The following SPATS2 variants were observed in gnomAD, a reference collection of about 807,000 sequenced individuals.
The protein encoded by SPATS2 is spermatogenesis associated serine rich 2, also known as spermatogenesis-associated serine-rich protein 2.
Under a neutral mutation model 63.7 loss-of-function variants are expected in SPATS2, and 38 were observed. The observed-to-expected ratio is 0.60, with a 90% CI of 0.46 to 0.78. The LOEUF is 0.78. Ranked by LOEUF, SPATS2 falls within the 30% of genes least tolerant of loss-of-function variation. SPATS2 has a pLI of 0.00. For synonymous variants in SPATS2, 207 were observed against 232.9 expected (o/e 0.89, Z 1.01); for missense variants, 588 against 666.2 (o/e 0.88, Z 1.29).
At chr12:49,419,878 G>T (rs185553246) in intron 2 of SPATS2, among the ~76,000 whole-genome samples, 2 of 134,662 alleles carry the variant, frequency 1.5e-5, no homozygotes, top group Admixed American at 1.4e-4. Context: ...AGTTCATTAT[G>T]AAAACATACT....
intron 2 of SPATS2, among the ~76,000 whole-genome samples, chr12:49,411,993 A>G (rs1042101335): frequency 1.3e-5 from 2 of 152,146 alleles, no homozygotes; most frequent in African/African-American, 4.8e-5. Flanking sequence ...AACACATCGA[A>G]TTGTATATCT....
In SPATS2 at chr12:49,496,431, C is replaced by A. The variant is rs568272848; in HGVS notation, c.527-402C>A. Among the ~76,000 whole-genome samples, 5 of 152,182 alleles carry A rather than the reference C, an allele frequency of 3.3e-5. No homozygotes were observed. In the East Asian group the frequency reaches 9.6e-4, roughly 29 times the overall value. On this transcript the variant is annotated intron_variant, in intron 7 of 13. Coordinates refer to ENST00000552918, the MANE Select transcript of SPATS2 (RefSeq NM_023071.4). ...CCTGGCCCCTAAAGCTTTTTAAATT[C>A]TTCTTTCCTCGAGAGAGTTTAAAAC...
intron 1 of SPATS2, among the ~76,000 whole-genome samples, chr12:49,367,877 G>A (rs1943929851): frequency 6.6e-6 from 1 of 152,126 alleles, no homozygotes; most frequent in Admixed American, 6.5e-5. Flanking sequence ...TGGGGTATTG[G>A]ATTTTAAGAA....
intron 4 of SPATS2, chr12:49,486,401 C>CACCAT (rs1946294507): frequency 6.7e-6 from 2 of 298,974 alleles, no homozygotes; most frequent in South Asian, 5.0e-5. Flanking sequence ...GAGAGGGTGT[C>CACCAT]ACCATGTTAG....
At chr12:49,404,299 T>TG (rs1944658486) in intron 2 of SPATS2, among the ~76,000 whole-genome samples, 2 of 151,090 alleles carry the variant, frequency 1.3e-5, no homozygotes, top group Non-Finnish European at 2.9e-5. Context: ...ATTTTTTTTT[T>TG]TTTTAGAGAT....
intron 2 of SPATS2, among the ~76,000 whole-genome samples, chr12:49,377,042 A>G (rs1689584147): frequency 1.3e-5 from 2 of 152,118 alleles, no homozygotes. Flanking sequence ...TTATCAGCAC[A>G]CAGGAGGTTT....
At chr12:49,472,641 TA>T (rs1946055744) in intron 3 of SPATS2, among the ~76,000 whole-genome samples, 1 of 147,840 alleles carries the variant, frequency 6.8e-6, no homozygotes, top group Non-Finnish European at 1.5e-5. Flanking sequence ...AATATTATAT[TA>T]TATTATTATA....
At chr12:49,512,696 G>GTA (rs1946773063) in intron 9 of SPATS2, among the ~76,000 whole-genome samples, 1 of 152,164 alleles carries the variant, frequency 6.6e-6, no homozygotes, top group Non-Finnish European at 1.5e-5. Context: ...CTTGTTTGCT[G>GTA]TAGTCTTTTA....
chr12:49,429,486 C>G (rs1356682445), intron 2 of SPATS2, among the ~76,000 whole-genome samples: 4 of 152,132 alleles, frequency 2.6e-5, no homozygotes, highest in Admixed American at 1.3e-4. Context: ...CACTCTGTTA[C>G]TCAGGCTGGA....
At chr12:49,413,652 T>C (rs1174747006) in intron 2 of SPATS2, among the ~76,000 whole-genome samples, 3 of 152,130 alleles carry the variant, frequency 2.0e-5, no homozygotes, top group African/African-American at 7.2e-5. Context: ...ATTTCAGCAT[T>C]AGTCTCAGGT....
At chr12:49,388,481 C>T (rs904754501) in intron 2 of SPATS2, among the ~76,000 whole-genome samples, 2 of 151,976 alleles carry the variant, frequency 1.3e-5, no homozygotes, top group East Asian at 3.9e-4. Flanking sequence ...TCAATATATC[C>T]TCCTGCCTCA....
intron 2 of SPATS2, among the ~76,000 whole-genome samples, chr12:49,409,509 G>C (rs1944757481): frequency 1.3e-5 from 2 of 148,152 alleles, no homozygotes; most frequent in South Asian, 4.3e-4. Context: ...GTTTCACTGT[G>C]TTAGCCAGGA....
intron 2 of SPATS2, among the ~76,000 whole-genome samples, chr12:49,431,495 G>A (rs1467999907): frequency 6.6e-5 from 10 of 152,074 alleles, no homozygotes; most frequent in Non-Finnish European, 1.2e-4. Context: ...TGATCTGCCC[G>A]CCTCGGCTTC....
At chr12:49,419,644 A>G (rs1404231196) in intron 2 of SPATS2, among the ~76,000 whole-genome samples, 1 of 152,192 alleles carries the variant, frequency 6.6e-6, no homozygotes, top group African/African-American at 2.4e-5. Context: ...TAGTTTGTAC[A>G]TTGATTTCTG....
intron 2 of SPATS2, chr12:49,390,284 G>C (rs1944397284): frequency 2.0e-6 from 1 of 504,370 alleles, no homozygotes; most frequent in Non-Finnish European, 3.4e-6. Context: ...CAGTGTACTG[G>C]CTATGAGATA....
chr12:49,404,715 A>G (rs1304161606), intron 2 of SPATS2, among the ~76,000 whole-genome samples: 1 of 152,122 alleles, frequency 6.6e-6, no homozygotes, highest in Non-Finnish European at 1.5e-5. Flanking sequence ...TGTTTTACCC[A>G]GGGGAACAGA....
At chr12:49,461,344 T>C (rs1028849760) in intron 3 of SPATS2, 5 of 256,944 alleles carry the variant, frequency 1.9e-5, no homozygotes, top group Admixed American at 1.1e-4. Flanking sequence ...TCTATGTTGT[T>C]TGAGTTGGCA....
At chr12:49,477,335 A>G (rs1440320897) in intron 3 of SPATS2, among the ~76,000 whole-genome samples, 3 of 152,238 alleles carry the variant, frequency 2.0e-5, no homozygotes. Flanking sequence ...GAAGAGGCAC[A>G]GCATCCTTCA....
chr12:49,416,296 C>G (rs541657015), intron 2 of SPATS2, among the ~76,000 whole-genome samples: 17 of 151,984 alleles, frequency 1.1e-4, no homozygotes, highest in African/African-American at 3.6e-4. Context: ...GGTAGCTGGG[C>G]CTGGAGTCAT....
Sources: allele counts gnomAD v4.1 joint callset (sites outside exome capture counted in the v4.1 genomes callset), GRCh38; gene constraint gnomAD v4.1.1; transcripts MANE v1.5; gene names NCBI Gene and HGNC (gene_info 2026-07-23, HGNC 2026-07-21).